Variants in B3GALT1 observed in about 807,000 individuals in gnomAD.
B3GALT1 encodes UDP-Gal:betaGlcNAc beta 1,3-galactosyltransferase, polypeptide 1.
In B3GALT1, 10 loss-of-function variants were observed where a neutral mutation model predicts 23.2. The ratio of observed to expected loss-of-function variants is 0.43; its 90% CI spans 0.27 to 0.73. The LOEUF (loss-of-function observed/expected upper bound fraction) is 0.73. Ranked by LOEUF, B3GALT1 falls within the 30% of genes least tolerant of loss-of-function variation. The pLI is 0.21. For synonymous variants in B3GALT1, 156 were observed against 141.5 expected (o/e 1.10, Z -0.73); for missense variants, 299 against 405.4 (o/e 0.74, Z 2.25).
At chr2:167,397,368 C>T (rs547038365) in intron 1 of B3GALT1, among the ~76,000 whole-genome samples, 5 of 151,950 alleles carry the variant, frequency 3.3e-5, no homozygotes, top group Middle Eastern at 3.4e-3. Context: ...GCCCATTTTT[C>T]CTGAGGCAAA....
At chr2:167,470,467 A>G (rs1476149113) in intron 1 of B3GALT1, among the ~76,000 whole-genome samples, 1 of 152,208 alleles carries the variant, frequency 6.6e-6, no homozygotes, top group East Asian at 1.9e-4. Flanking sequence ...ATTTATTGGA[A>G]TACTGTAAAG....
At chr2:167,455,824 T>G (rs1461415065) in intron 1 of B3GALT1, among the ~76,000 whole-genome samples, 3 of 152,232 alleles carry the variant, frequency 2.0e-5, no homozygotes, top group Non-Finnish European at 2.9e-5. Context: ...GATCTCTCCA[T>G]TATTTTTAAT....
chr2:167,359,399 C>G (rs904410451), intron 1 of B3GALT1, among the ~76,000 whole-genome samples: 1 of 152,188 alleles, frequency 6.6e-6, no homozygotes, highest in Non-Finnish European at 1.5e-5. Context: ...TGCCATTACC[C>G]ACAACTGCAG....
intron 2 of B3GALT1, among the ~76,000 whole-genome samples, chr2:167,582,565 C>A (rs779721245): frequency 6.6e-6 from 1 of 152,204 alleles, no homozygotes; most frequent in East Asian, 1.9e-4. Flanking sequence ...CTAGATTTAA[C>A]TGTTTCTTTA....
chr2:167,593,700 G>GGA (rs1684723500), intron 2 of B3GALT1, among the ~76,000 whole-genome samples: 1 of 152,216 alleles, frequency 6.6e-6, no homozygotes, highest in African/African-American at 2.4e-5. Context: ...CCAACAGCAT[G>GGA]AACTGAGGTG....
intron 2 of B3GALT1, among the ~76,000 whole-genome samples, chr2:167,588,818 TTTCC>T (rs146662566): frequency 0.22 from 32,773 of 146,174 alleles, 3,897 homozygotes; most frequent in African/African-American, 0.27. Flanking sequence ...AACCATTCTT[TTTCC>T]TTCCTTCCTT....
intron 1 of B3GALT1, among the ~76,000 whole-genome samples, chr2:167,315,915 T>C (rs997698558): frequency 1.1e-4 from 16 of 152,224 alleles, no homozygotes; most frequent in Non-Finnish European, 5.9e-5. Context: ...TTTTGTATAT[T>C]TGACCTATTA....
At chr2:167,303,813 T>C (rs1364168434) in intron 1 of B3GALT1, among the ~76,000 whole-genome samples, 1 of 152,064 alleles carries the variant, frequency 6.6e-6, no homozygotes, top group East Asian at 1.9e-4. Context: ...GTCATTTTTG[T>C]TTCCATGAGC....
chr2:167,436,412 G>A (rs950363991), intron 1 of B3GALT1, among the ~76,000 whole-genome samples: 3 of 151,938 alleles, frequency 2.0e-5, no homozygotes, highest in Admixed American at 6.6e-5. Context: ...AGGTTTCTAC[G>A]AATACTTGTC....
chr2:167,850,760 A>G (rs1357433073), intron 4 of B3GALT1, among the ~76,000 whole-genome samples: 1 of 152,078 alleles, frequency 6.6e-6, no homozygotes, highest in Non-Finnish European at 1.5e-5. Context: ...CGTGGGAGCT[A>G]AGCTATAAGG....
chr2:167,460,275 A>G (rs1699239005), intron 1 of B3GALT1, among the ~76,000 whole-genome samples: 1 of 152,078 alleles, frequency 6.6e-6, no homozygotes, highest in Admixed American at 6.6e-5. Context: ...CAGGTCTCTT[A>G]CGGTCTGTTC....
chr2:167,857,114 A>T (rs1690013924), intron 4 of B3GALT1, among the ~76,000 whole-genome samples: 1 of 152,156 alleles, frequency 6.6e-6, no homozygotes. Context: ...TGACAACCCT[A>T]TGCTTTGTCC....
intron 2 of B3GALT1, among the ~76,000 whole-genome samples, chr2:167,643,016 C>T (rs1012505359): frequency 3.6e-4 from 54 of 152,106 alleles, no homozygotes; most frequent in African/African-American, 1.0e-3. Flanking sequence ...ATGTAAAGAA[C>T]CTGCCAATTA....
At chr2:167,825,455 T>TGTGC (rs1425929301) in intron 4 of B3GALT1, among the ~76,000 whole-genome samples, 4 of 146,728 alleles carry the variant, frequency 2.7e-5, no homozygotes, top group East Asian at 3.9e-4. Context: ...TGTGTGTGTG[T>TGTGC]GCGTGCACGT....
At chr2:167,583,456 G>A (rs1179675320) in intron 2 of B3GALT1, among the ~76,000 whole-genome samples, 1 of 151,930 alleles carries the variant, frequency 6.6e-6, no homozygotes, top group Non-Finnish European at 1.5e-5. Flanking sequence ...TCTTCTCTGG[G>A]AGTTAGACAA....
At chr2:167,842,912 G>C (rs938031077) in intron 4 of B3GALT1, among the ~76,000 whole-genome samples, 4 of 152,034 alleles carry the variant, frequency 2.6e-5, no homozygotes, top group African/African-American at 7.2e-5. Flanking sequence ...GTGTTCCAAG[G>C]CTGGCATTAA....
intron 2 of B3GALT1, among the ~76,000 whole-genome samples, chr2:167,548,444 A>G (rs1683679164): frequency 6.6e-6 from 1 of 152,160 alleles, no homozygotes; most frequent in Non-Finnish European, 1.5e-5. Flanking sequence ...CTGATAGTAA[A>G]AAGTTAATGG....
At chr2:167,736,673 G>A (rs1025581775) in intron 3 of B3GALT1, among the ~76,000 whole-genome samples, 2 of 152,028 alleles carry the variant, frequency 1.3e-5, no homozygotes, top group African/African-American at 4.8e-5. Context: ...AGGCTGAGGC[G>A]GGTAGATCAC....
At chr2:167,404,153 C>T (rs1698238341) in intron 1 of B3GALT1, among the ~76,000 whole-genome samples, 1 of 152,052 alleles carries the variant, frequency 6.6e-6, no homozygotes, top group South Asian at 2.1e-4. Flanking sequence ...TTTGAGAGAT[C>T]ACATGGCAAG....
Sources: gnomAD v4.1 joint callset for allele counts (sites outside exome capture counted in the v4.1 genomes callset) on GRCh38, gnomAD v4.1.1 for gene constraint, MANE v1.5 for transcripts, NCBI Gene and HGNC (gene_info 2026-07-23, HGNC 2026-07-21) for gene names.